Variants in CTNNA3 observed in about 807,000 individuals in gnomAD.
The protein encoded by CTNNA3 is catenin alpha-3.
Under a neutral mutation model 95.7 loss-of-function variants are expected in CTNNA3, and 76 were observed. That is an observed-to-expected ratio of 0.79 (90% CI 0.66 to 0.96). The LOEUF (loss-of-function observed/expected upper bound fraction) is 0.96, where lower values mean the gene tolerates loss of function less well. Ranked by LOEUF, CTNNA3 falls within the 40% of genes least tolerant of loss-of-function variation. The pLI, the probability that CTNNA3 is intolerant of heterozygous loss-of-function variation, is 0.00. For synonymous variants in CTNNA3, 431 were observed against 374.4 expected (o/e 1.15, Z -1.74); for missense variants, 1,191 against 1,089.8 (o/e 1.09, Z -1.31).
chr10:66,649,028 C>T (rs767131383), intron 9 of CTNNA3, among the ~76,000 whole-genome samples: 1 of 152,044 alleles, frequency 6.6e-6, no homozygotes, highest in Non-Finnish European at 1.5e-5. Context: ...AGTAGAAAAA[C>T]ACCCACAAAG....
At chr10:67,761,647 G>A (rs1841461994) in intron 1 of CTNNA3, among the ~76,000 whole-genome samples, 1 of 152,136 alleles carries the variant, frequency 6.6e-6, no homozygotes, top group Admixed American at 6.5e-5. Flanking sequence ...GGGAGGCCGA[G>A]GCGGGCAGAT....
At chr10:67,730,338 T>A (rs527309135) in intron 1 of CTNNA3, among the ~76,000 whole-genome samples, 1 of 152,058 alleles carries the variant, frequency 6.6e-6, no homozygotes, top group South Asian at 2.1e-4. Flanking sequence ...TTTAAGAATG[T>A]TAAGATTTGT....
intron 9 of CTNNA3, among the ~76,000 whole-genome samples, chr10:66,691,651 T>C (rs1847544340): frequency 6.6e-6 from 1 of 152,202 alleles, no homozygotes; most frequent in Non-Finnish European, 1.5e-5. Flanking sequence ...ATGGGCAGAC[T>C]GCCTCCTCAA....
chr10:67,230,932 G>C (rs533267514), intron 5 of CTNNA3, among the ~76,000 whole-genome samples: 171 of 152,282 alleles, frequency 1.1e-3, no homozygotes, highest in South Asian at 2.3e-3. Flanking sequence ...CTGGAAGATC[G>C]GGTCACTCCC....
intron 11 of CTNNA3, among the ~76,000 whole-genome samples, chr10:66,386,332 A>G (rs1339004674): frequency 6.6e-6 from 1 of 152,112 alleles, no homozygotes; most frequent in Non-Finnish European, 1.5e-5. Flanking sequence ...TCATGAGTGA[A>G]CTCCCATTCA....
At chr10:67,632,931 A>G (rs909275294) in intron 2 of CTNNA3, among the ~76,000 whole-genome samples, 1 of 152,150 alleles carries the variant, frequency 6.6e-6, no homozygotes, top group Non-Finnish European at 1.5e-5. Context: ...GTTAAGACCC[A>G]CTGATTGGAA....
chr10:66,966,464 G>T (rs1849414914), intron 7 of CTNNA3, among the ~76,000 whole-genome samples: 1 of 142,610 alleles, frequency 7.0e-6, no homozygotes, highest in African/African-American at 2.5e-5. Context: ...ATGCAGCTGG[G>T]TTAACTCGGC....
chr10:66,435,002 A>T (rs1033678902), intron 11 of CTNNA3, among the ~76,000 whole-genome samples: 7 of 151,584 alleles, frequency 4.6e-5, no homozygotes, highest in Non-Finnish European at 1.0e-4. Flanking sequence ...AGCTGACTTG[A>T]TTGTGGTGGA....
intron 5 of CTNNA3, among the ~76,000 whole-genome samples, chr10:67,497,816 A>G (rs1839077295): frequency 3.3e-5 from 5 of 151,488 alleles, no homozygotes; most frequent in Admixed American, 3.3e-4. Flanking sequence ...TAAGTTCCTT[A>G]TAGATTCTGG....
At chr10:66,543,841 T>C (rs1323345934) in intron 10 of CTNNA3, among the ~76,000 whole-genome samples, 1 of 149,258 alleles carries the variant, frequency 6.7e-6, no homozygotes, top group African/African-American at 2.5e-5. Context: ...GTGAAATAGG[T>C]GAATGTATTA....
intron 8 of CTNNA3, among the ~76,000 whole-genome samples, chr10:66,767,656 CACTT>C (rs149828443): frequency 0.012 from 1,829 of 152,012 alleles, 41 homozygotes; most frequent in African/African-American, 0.04. Context: ...AAAGAATAGA[CACTT>C]AGTTTAGTTT....
chr10:67,489,483 T>C (rs1342736943), intron 5 of CTNNA3, among the ~76,000 whole-genome samples: 1 of 152,194 alleles, frequency 6.6e-6, no homozygotes, highest in Non-Finnish European at 1.5e-5. Flanking sequence ...AGGTGCTCTT[T>C]GCTCTTTTGA....
chr10:67,528,267 AT>A (rs904231367), intron 4 of CTNNA3, among the ~76,000 whole-genome samples: 1 of 152,016 alleles, frequency 6.6e-6, no homozygotes, highest in Non-Finnish European at 1.5e-5. Flanking sequence ...TATATTTTTT[AT>A]TTTTTTCTTT....
intron 11 of CTNNA3, among the ~76,000 whole-genome samples, chr10:66,469,568 G>T (rs1488645614): frequency 6.6e-6 from 1 of 151,842 alleles, no homozygotes; most frequent in Non-Finnish European, 1.5e-5. Flanking sequence ...TAAGCAGAGG[G>T]TGCAAGGGGT....
At chr10:66,073,451 A>T (rs995440959) in intron 14 of CTNNA3, among the ~76,000 whole-genome samples, 1 of 152,192 alleles carries the variant, frequency 6.6e-6, no homozygotes, top group Non-Finnish European at 1.5e-5. Context: ...TACTGTGATC[A>T]GTACATTCAC....
intron 13 of CTNNA3, among the ~76,000 whole-genome samples, chr10:66,120,802 C>A (rs918205205): frequency 3.3e-5 from 5 of 152,066 alleles, no homozygotes; most frequent in African/African-American, 4.8e-5. Context: ...AAACTATTTT[C>A]TCTTTAAAAG....
intron 13 of CTNNA3, among the ~76,000 whole-genome samples, chr10:66,222,666 A>G (rs4746558): frequency 0.33 from 48,197 of 146,724 alleles, 8,703 homozygotes; most frequent in East Asian, 0.44. Context: ...AGAGTAAGGA[A>G]GGGAGGGATG....
At chr10:66,473,028 T>C (rs1188492144) in intron 11 of CTNNA3, among the ~76,000 whole-genome samples, 1 of 152,064 alleles carries the variant, frequency 6.6e-6, no homozygotes, top group East Asian at 1.9e-4. Flanking sequence ...TATTTATTTA[T>C]TTAATTAACA....
At position 67,590,236 on chromosome 10, in the gene CTNNA3, T is replaced by C. The variant is rs1287242067; in HGVS notation, c.292+16621A>G. Reference sequence around the variant, plus strand: ...GCCAAACAAAGTACTAAGGCTTTACTATCCTAGGGGATCCCAAAGGGACAG... The same window carrying C: ...GCCAAACAAAGTACTAAGGCTTTACCATCCTAGGGGATCCCAAAGGGACAG... On this transcript the variant is annotated intron_variant, in intron 3 of 17. Coordinates refer to ENST00000433211, the MANE Select transcript of CTNNA3 (RefSeq NM_013266.4). Among the ~76,000 whole-genome samples, 15 of 152,274 alleles carry C rather than the reference T, an allele frequency of 9.9e-5. No individual in the cohort carries two copies. The East Asian group carries it at 2.9e-3, about 29-fold the overall frequency.
Sources: gnomAD v4.1 joint callset for allele counts (sites outside exome capture counted in the v4.1 genomes callset) on GRCh38, gnomAD v4.1.1 for gene constraint, MANE v1.5 for transcripts, NCBI Gene and HGNC (gene_info 2026-07-23, HGNC 2026-07-21) for gene names.